MYBPC1: variants seen among roughly 807,000 people sequenced by gnomAD.
MYBPC1 encodes myosin-binding protein C, slow-type.
A neutral mutation model predicts 147.1 loss-of-function variants in MYBPC1; 52 were observed. The ratio of observed to expected loss-of-function variants is 0.35; its 90% CI spans 0.28 to 0.45. MYBPC1 has a LOEUF of 0.45. Ranked by LOEUF, MYBPC1 falls within the 20% of genes least tolerant of loss-of-function variation. MYBPC1 has a pLI of 1.00. For missense variants in MYBPC1, 1,228 were observed against 1,440.3 expected (o/e 0.85, Z 2.39); for synonymous variants, 477 against 475.9 (o/e 1.00, Z -0.03).
the MYBPC1 span, among the ~76,000 whole-genome samples, chr12:101,695,777 T>C: frequency 1.3e-5 from 2 of 152,184 alleles, no homozygotes; most frequent in Non-Finnish European, 2.9e-5. Context: ...ATCGTACCAG[T>C]CTTGGAGTGC....
chr12:101,687,904 T>G (rs1419555312), downstream of MYBPC1, among the ~76,000 whole-genome samples: 1 of 152,206 alleles, frequency 6.6e-6, no homozygotes, highest in Non-Finnish European at 1.5e-5. Flanking sequence ...TACTAGATAA[T>G]GTTACTTTTC....
At chr12:101,595,681 TA>T (rs1876952892) in intron 1 of MYBPC1, among the ~76,000 whole-genome samples, 2 of 152,110 alleles carry the variant, frequency 1.3e-5, no homozygotes, top group South Asian at 4.1e-4. Context: ...AAACACCTGA[TA>T]AAAAAGGATG....
chr12:101,622,951 T>C (rs1226339041), intron 3 of MYBPC1, among the ~76,000 whole-genome samples: 1 of 152,198 alleles, frequency 6.6e-6, no homozygotes, highest in East Asian at 1.9e-4. Context: ...TATGTATTCC[T>C]TCATGGTCTA....
rs766989581 is a variant in MYBPC1, at chr12:101,677,317, G to A, written c.3032G>A (p.Arg1011Gln). ...ELVIGNEYYF[R>Q]VFSENMCGLS... ...GTCATAGGGAATGAATATTACTTCC[G>A]GGTCTTTTCTGAAAACATGTGTGGC... The change falls in exon 27 of 32, where the codon CGG (arginine) becomes CAG (glutamine). Residue 1011 changes from arginine (R) to glutamine (Q), a missense_variant. By Grantham distance (43) the Arg-to-Gln change is conservative. Transcript: ENST00000361466. The A allele has an allele frequency of 1.7e-5, 27 of 1,613,696 alleles. No individual in the cohort carries two copies. The highest frequency in any genetic ancestry group is 4.0e-5 in the African/African-American group (3 of 74,830).
chr12:101,638,140 T>C (rs1466591155), intron 10 of MYBPC1, among the ~76,000 whole-genome samples: 1 of 152,210 alleles, frequency 6.6e-6, no homozygotes, highest in Non-Finnish European at 1.5e-5. Flanking sequence ...ACTCTGAATT[T>C]GCCTTGGAAG....
intron 2 of MYBPC1, among the ~76,000 whole-genome samples, chr12:101,615,291 G>C (rs7963722): frequency 0.22 from 33,006 of 152,018 alleles, 5,027 homozygotes; most frequent in African/African-American, 0.44. Flanking sequence ...CAGCCAAATA[G>C]CCCCAAGATG....
At chr12:101,694,985 G>GCAA in the MYBPC1 span, among the ~76,000 whole-genome samples, 1 of 152,078 alleles carries the variant, frequency 6.6e-6, no homozygotes, top group Non-Finnish European at 1.5e-5. Flanking sequence ...TTATCTCCTA[G>GCAA]GATACATGTG....
In MYBPC1 at chr12:101,659,672, G is replaced by A; in HGVS notation, c.1768G>A (p.Ala590Thr). 1 of 1,613,962 alleles carries A rather than the reference G, an allele frequency of 6.2e-7. No homozygotes were observed. The highest frequency in any genetic ancestry group is 1.3e-5 in the African/African-American group (1 of 74,966). Reference sequence around the variant, plus strand: ...CACATTTTGTTTCTCCACTTCTTAGGCTATTATGGAAGGCAGTGGCCGGAT... The same window carrying A: ...CACATTTTGTTTCTCCACTTCTTAGACTATTATGGAAGGCAGTGGCCGGAT... ...PKAMWSRGDK[A>T]IMEGSGRIRT... The change falls in exon 19 of 32, where the codon GCT (alanine) becomes ACT (threonine). Residue 590 changes from alanine to threonine, a missense_variant and splice_region_variant. Physicochemically the swap from Ala to Thr is moderately conservative, Grantham distance 58. This residue lies in a region of MYBPC1 where 1,077 missense variants were observed against 1,314.2 expected (regional missense o/e 0.82). Transcript: ENST00000361466.
intron 20 of MYBPC1, among the ~76,000 whole-genome samples, chr12:101,662,012 T>C (rs1043982000): frequency 2.0e-5 from 3 of 152,048 alleles, no homozygotes; most frequent in African/African-American, 4.8e-5. Flanking sequence ...AAACTGGTCA[T>C]TTCCCTCTTC....
chr12:101,673,329 C>A, intron 24 of MYBPC1, 98 bp from the exon 25 acceptor site: 1 of 1,260,086 alleles, frequency 7.9e-7, no homozygotes. Flanking sequence ...TCCAGCCCTG[C>A]CTAGAATGGG....
chr12:101,670,210 C>A, intron 23 of MYBPC1, 111 bp from the exon 24 acceptor site: 1 of 855,190 alleles, frequency 1.2e-6, no homozygotes, highest in Non-Finnish European at 2.0e-6. Flanking sequence ...GAGTTTATTG[C>A]AGAGATATGC....
intron 3 of MYBPC1, among the ~76,000 whole-genome samples, chr12:101,618,999 A>G (rs1886793390): frequency 1.3e-5 from 2 of 152,094 alleles, no homozygotes; most frequent in Non-Finnish European, 2.9e-5. Context: ...ATCCCTAAAT[A>G]AAGAAGGTAA....
intron 28 of MYBPC1, 97 bp from the exon 29 acceptor site, chr12:101,680,246 A>T: frequency 1.7e-6 from 2 of 1,200,440 alleles, no homozygotes; most frequent in Non-Finnish European, 2.4e-6. Context: ...CTTTCTTTTT[A>T]AGCCATGCTT....
At chr12:101,647,911 T>C in intron 13 of MYBPC1, 134 bp from the exon 14 acceptor site, 1 of 705,306 alleles carries the variant, frequency 1.4e-6, no homozygotes, top group Admixed American at 2.2e-5. Context: ...AACAAAAACC[T>C]CACTTACTGT....
chr12:101,688,612 G>A (rs950266426), downstream of MYBPC1, among the ~76,000 whole-genome samples: 10 of 141,526 alleles, frequency 7.1e-5, no homozygotes, highest in African/African-American at 2.5e-4. Flanking sequence ...ATGAGTTATT[G>A]AATGTCTGAT....
intron 21 of MYBPC1, 106 bp downstream of exon 21, chr12:101,662,652 G>A (rs1896762173): frequency 3.9e-6 from 5 of 1,282,012 alleles, no homozygotes; most frequent in South Asian, 1.3e-5. Context: ...TCTTAGAGTT[G>A]TAGGTGGGCA....
At chr12:101,638,341 G>A (rs1418528364) in intron 10 of MYBPC1, among the ~76,000 whole-genome samples, 2 of 152,136 alleles carry the variant, frequency 1.3e-5, no homozygotes, top group African/African-American at 4.8e-5. Context: ...TTTGTGGGAG[G>A]AAAAATAGTG....
chr12:101,655,547 C>T (rs11110929), intron 18 of MYBPC1, among the ~76,000 whole-genome samples: 34,131 of 152,040 alleles, frequency 0.22, 4,102 homozygotes, highest in Middle Eastern at 0.34. Context: ...GCTGGACAAA[C>T]GGAAAAACTA....
chr12:101,667,284 A>G (rs990715585), intron 22 of MYBPC1, among the ~76,000 whole-genome samples: 1 of 55,232 alleles, frequency 1.8e-5, no homozygotes, highest in Non-Finnish European at 6.2e-5. Flanking sequence ...CAGCCAAGAT[A>G]AAAACATATA....
Sources: allele counts gnomAD v4.1 joint callset (sites outside exome capture counted in the v4.1 genomes callset), GRCh38; gene constraint gnomAD v4.1.1; regional missense constraint gnomAD v4.1.1; transcripts MANE v1.5; gene names NCBI Gene and HGNC (gene_info 2026-07-23, HGNC 2026-07-21).